The following HAS3 variants were observed in gnomAD, a reference collection of about 807,000 sequenced individuals.
HAS3 encodes hyaluronan synthase 3.
In HAS3, 27 loss-of-function variants were observed where a neutral mutation model predicts 50.3. That is an observed-to-expected ratio of 0.54 (90% CI 0.40 to 0.74). The LOEUF (loss-of-function observed/expected upper bound fraction) is 0.74, where lower values mean the gene tolerates loss of function less well. Among genes scored for constraint, HAS3 ranks in the 30% least tolerant of loss-of-function variants. The pLI is 0.00. For missense variants in HAS3, 517 were observed against 742.8 expected (o/e 0.70, Z 3.53); for synonymous variants, 339 against 310.9 (o/e 1.09, Z -0.95).
chr16:69,099,259 C>T, the HAS3 span, among the ~76,000 whole-genome samples: 1 of 152,028 alleles, frequency 6.6e-6, no homozygotes, highest in African/African-American at 2.4e-5. Flanking sequence ...GCGTGAGCCA[C>T]CGCGCCCGGC....
chr16:69,118,513 G>A (rs1171018793), downstream of HAS3: 2 of 1,048,578 alleles, frequency 1.9e-6, no homozygotes, highest in Non-Finnish European at 3.0e-6. Flanking sequence ...GGGACCTGCA[G>A]GCCAATGTAT....
Position 69,117,559 on chromosome 16 carries a change from A to G in HAS3, c.*2293A>G, listed in dbSNP as rs866427390. The G allele has an allele frequency of 1.0e-5, 9 of 898,856 alleles. No homozygotes were observed. The highest frequency in any genetic ancestry group is 5.7e-4 in the Middle Eastern group (1 of 1,764). The allele number at this position is 898,856 out of a possible 1,614,324, so 55.7% of individuals were successfully genotyped here. On this transcript the variant is annotated 3_prime_UTR_variant, in exon 4 of 4. Coordinates refer to ENST00000569188, the MANE Select transcript of HAS3 (RefSeq NM_001199280.2). The stretch of plus-strand genomic sequence containing the variant: ...ATTGTTTCTACAATAATTTGTAAAC[A>G]TATTTATTTTTACCTGCTTTTTTTT...
downstream of HAS3, chr16:69,118,123 C>CA: frequency 2.5e-6 from 1 of 399,448 alleles, no homozygotes; most frequent in Non-Finnish European, 4.5e-6. Flanking sequence ...TCCCTTCATC[C>CA]CCCACCCCCA....
chr16:69,117,821 G>A (rs538448067), downstream of HAS3, among the ~76,000 whole-genome samples: 6 of 152,182 alleles, frequency 3.9e-5, no homozygotes, highest in African/African-American at 1.4e-4. Context: ...AGTGTAGAGG[G>A]TCTTTGGTGA....
downstream of HAS3, chr16:69,118,606 G>C: frequency 2.8e-6 from 2 of 711,664 alleles, no homozygotes; most frequent in South Asian, 3.0e-5. Flanking sequence ...AGCACAGCAG[G>C]CTTCTGGGAG....
downstream of HAS3, chr16:69,118,483 C>G (rs775610735): frequency 1.4e-6 from 2 of 1,393,746 alleles, no homozygotes. Context: ...CAATGGTGAG[C>G]AGGGGACTAC....
At chr16:69,111,142 G>C (rs1960986351) in intron 2 of HAS3, among the ~76,000 whole-genome samples, 1 of 134,268 alleles carries the variant, frequency 7.4e-6, no homozygotes, top group Non-Finnish European at 1.6e-5. Context: ...TAGGACCCTG[G>C]ATTTCTAGGC....
At chr16:69,113,035 GTTAA>G (rs1232218604) in intron 2 of HAS3, among the ~76,000 whole-genome samples, 1 of 152,224 alleles carries the variant, frequency 6.6e-6, no homozygotes, top group Non-Finnish European at 1.5e-5. Flanking sequence ...GACCCCTGTG[GTTAA>G]TTCTGTGGGG....
At chr16:69,101,224 C>G (rs560693185), upstream of HAS3, among the ~76,000 whole-genome samples, 1 of 152,348 alleles carries the variant, frequency 6.6e-6, no homozygotes, top group East Asian at 1.9e-4. Flanking sequence ...CATCCTCCTC[C>G]TCACAGCAGC....
the HAS3 span, chr16:69,083,847 G>C: frequency 1.7e-6 from 1 of 589,970 alleles, no homozygotes; most frequent in Non-Finnish European, 3.0e-6. Flanking sequence ...CAGCACTCCC[G>C]CGTTCAGCCT....
chr16:69,101,848 G>C (rs1052183695), upstream of HAS3, among the ~76,000 whole-genome samples: 14 of 151,356 alleles, frequency 9.2e-5, no homozygotes, highest in Admixed American at 4.0e-4. Flanking sequence ...GCAGTGGCAC[G>C]ATCTCGGCTC....
At chr16:69,087,064 G>C in the HAS3 span, among the ~76,000 whole-genome samples, 1 of 151,364 alleles carries the variant, frequency 6.6e-6, no homozygotes, top group Non-Finnish European at 1.5e-5. Flanking sequence ...TTCTGCTGCC[G>C]CCTCCACCTG....
chr16:69,111,573 A>C (rs3785079), intron 2 of HAS3, among the ~76,000 whole-genome samples: 121,907 of 152,184 alleles, frequency 0.8, 49,562 homozygotes, highest in African/African-American at 0.95. Flanking sequence ...TCTGGTGTAC[A>C]CACCTAAAAT....
chr16:69,099,665 A>G, the HAS3 span, among the ~76,000 whole-genome samples: 1 of 152,248 alleles, frequency 6.6e-6, no homozygotes, highest in Non-Finnish European at 1.5e-5. Context: ...ACATAAATGC[A>G]GGTATGCATA....
chr16:69,096,534 CAAAAAAAAAAAAAAAAAAA>C, the HAS3 span, among the ~76,000 whole-genome samples: 2 of 35,316 alleles, frequency 5.7e-5, no homozygotes, highest in Non-Finnish European at 9.2e-5. Flanking sequence ...GACTCTGTCT[CAAAAAAAAAAAAAAAAAAA>C]AAAAAAAAAA....
chr16:69,118,658 G>C, downstream of HAS3: 1 of 692,300 alleles, frequency 1.4e-6, no homozygotes, highest in South Asian at 1.5e-5. Flanking sequence ...ATTCCCACCT[G>C]CCACAGTTCA....
rs1325758422 is a variant in HAS3 at position 69,116,771 on chromosome 16, G to C, written c.*1505G>C. ...CAATCCAGGCTGTTCTCAGCGTTTT[G>C]AGTTTAAAACCTGGGATCCTGACTA... On this transcript the variant is annotated 3_prime_UTR_variant, in exon 4 of 4. Transcript: ENST00000569188. 2.0e-6 allele frequency: 2 copies of C among 985,306 alleles called. No homozygotes were observed. Among genetic ancestry groups the C allele is most frequent in the Non-Finnish European group, 1.2e-6 (1 of 829,864 alleles). The allele number at this position is 985,306 out of a possible 1,614,324, so 61.0% of individuals were successfully genotyped here.
chr16:69,118,392 T>C, downstream of HAS3: 1 of 1,612,794 alleles, frequency 6.2e-7, no homozygotes, highest in Non-Finnish European at 8.5e-7. Context: ...GATGACCAGG[T>C]CCAAGCTGCC....
downstream of HAS3, chr16:69,118,212 A>AGTT: frequency 3.4e-6 from 2 of 591,672 alleles, no homozygotes; most frequent in Non-Finnish European, 6.1e-6. Context: ...GTGAAGAGGG[A>AGTT]GTTGGATGAG....
Sources: allele counts gnomAD v4.1 joint callset (sites outside exome capture counted in the v4.1 genomes callset), GRCh38; gene constraint gnomAD v4.1.1; transcripts MANE v1.5; gene names NCBI Gene and HGNC (gene_info 2026-07-23, HGNC 2026-07-21).